Variants in SOD2 observed in about 807,000 individuals in gnomAD.
SOD2 encodes the protein superoxide dismutase 2, also known as superoxide dismutase [Mn], mitochondrial.
In SOD2, 11 loss-of-function variants were observed where a neutral mutation model predicts 27.0. That is an observed-to-expected ratio of 0.41 (90% CI 0.26 to 0.67). The LOEUF (loss-of-function observed/expected upper bound fraction) is 0.67. Ranked by LOEUF, SOD2 falls within the 30% of genes least tolerant of loss-of-function variation. The probability of loss-of-function intolerance (pLI) is 0.34; values close to 1 mark genes in which losing one functional copy is unlikely to be tolerated. For synonymous variants in SOD2, 105 were observed against 103.0 expected (o/e 1.02, Z -0.12); for missense variants, 250 against 274.5 (o/e 0.91, Z 0.63).
At chr6:159,734,164 G>A (rs981152170) in intron 1 of SOD2, among the ~76,000 whole-genome samples, 6 of 151,914 alleles carry the variant, frequency 3.9e-5, no homozygotes, top group Non-Finnish European at 8.8e-5. Context: ...AAGTAGTCTT[G>A]GTGTGTGTGT....
chr6:159,758,882 C>T lies in SOD2; in HGVS notation c.-336+2155G>A, dbSNP rs527515203. Among the ~76,000 whole-genome samples, 4 of 152,232 alleles carry T rather than the reference C, an allele frequency of 2.6e-5. No homozygotes were observed. The East Asian group carries it at 7.8e-4, about 30-fold the overall frequency. Reference sequence around the variant, plus strand: ...GAAACTTAACCAAGAATGATTGCATCTTCCAGCGGGGGAAGATGCTGAGAA... The same window carrying T: ...GAAACTTAACCAAGAATGATTGCATTTTCCAGCGGGGGAAGATGCTGAGAA... On this transcript the variant is annotated intron_variant, in intron 1 of 7. Coordinates refer to the SOD2 transcript ENST00000546087.
chr6:159,757,380 A>G (rs569602511), intron 1 of SOD2, among the ~76,000 whole-genome samples: 5 of 151,394 alleles, frequency 3.3e-5, no homozygotes, highest in African/African-American at 1.2e-4. Flanking sequence ...TAAATACTGC[A>G]CTGTCTCTTG....
At chr6:159,734,720 C>T (rs1477472511) in intron 1 of SOD2, among the ~76,000 whole-genome samples, 1 of 152,124 alleles carries the variant, frequency 6.6e-6, no homozygotes, top group East Asian at 1.9e-4. Context: ...ATGAATATGC[C>T]AAATGCAATT....
chr6:159,708,650 G>C (rs770110137), intron 1 of SOD2, among the ~76,000 whole-genome samples: 1 of 152,126 alleles, frequency 6.6e-6, no homozygotes, highest in Non-Finnish European at 1.5e-5. Flanking sequence ...ACATTCCATG[G>C]TCATGGATGG....
chr6:159,710,675 A>G (rs1777717620), intron 1 of SOD2, among the ~76,000 whole-genome samples: 2 of 151,548 alleles, frequency 1.3e-5, no homozygotes. Context: ...ACGTGGTCAT[A>G]TCCCCTCATA....
chr6:159,749,639 C>CT (rs1221724312), upstream of SOD2, among the ~76,000 whole-genome samples: 2 of 152,134 alleles, frequency 1.3e-5, no homozygotes, highest in East Asian at 3.8e-4. Context: ...TTTTATGACA[C>CT]TTTGTCCCAG....
chr6:159,693,024 G>T (rs1777306951), intron 1 of SOD2, 121 bp downstream of exon 1: 2 of 1,423,966 alleles, frequency 1.4e-6, no homozygotes, highest in Non-Finnish European at 1.9e-6. Context: ...CGGGAGAACC[G>T]CCTGCAGGTG....
upstream of SOD2, among the ~76,000 whole-genome samples, chr6:159,696,364 G>C (rs955351991): frequency 1.3e-5 from 2 of 152,008 alleles, no homozygotes; most frequent in African/African-American, 4.8e-5. Context: ...TTTGTTGCTG[G>C]GCTGGAGTGC....
At chr6:159,717,756 T>C (rs775677545) in intron 1 of SOD2, among the ~76,000 whole-genome samples, 22 of 152,254 alleles carry the variant, frequency 1.4e-4, no homozygotes, top group Non-Finnish European at 2.9e-4. Context: ...TATTCTACTC[T>C]CTACTTCCAT....
upstream of SOD2, among the ~76,000 whole-genome samples, chr6:159,693,651 C>T (rs966222073): frequency 5.3e-5 from 8 of 152,208 alleles, no homozygotes; most frequent in Non-Finnish European, 8.8e-5. Flanking sequence ...TTTGGTTGCG[C>T]TGCCGGGGGG....
At chr6:159,755,129 G>C in intron 1 of SOD2, 1 of 1,614,124 alleles carries the variant, frequency 6.2e-7, no homozygotes, top group Non-Finnish European at 8.5e-7. Flanking sequence ...CCAGCAGTTG[G>C]CTCAGTACCA....
intron 1 of SOD2, chr6:159,726,931 C>T: frequency 7.8e-7 from 1 of 1,288,668 alleles, no homozygotes; most frequent in East Asian, 5.6e-5. Flanking sequence ...GGTCCTCCGA[C>T]ACGCGGAAGC....
At chr6:159,682,732 A>G in intron 4 of SOD2, 94 bp from the exon 5 acceptor site, 1 of 1,240,616 alleles carries the variant, frequency 8.1e-7, no homozygotes, top group Non-Finnish European at 1.1e-6. Context: ...TACTCACACA[A>G]AATTACCCTT....
intron 1 of SOD2, among the ~76,000 whole-genome samples, chr6:159,742,643 A>G (rs563068619): frequency 6.6e-6 from 1 of 152,276 alleles, no homozygotes; most frequent in South Asian, 2.1e-4. Flanking sequence ...TACTGTTTGA[A>G]TCACATACTA....
chr6:159,673,259 T>C lies in SOD2; in HGVS notation c.*9234A>G, dbSNP rs1419793899. The C allele has an allele frequency of 7.9e-5, 12 of 152,226 alleles. No individual in the cohort carries two copies. Among genetic ancestry groups the C allele is most frequent in the Middle Eastern group, 3.4e-3 (1 of 294 alleles). The allele number at this position is 152,226 out of a possible 1,614,324, so 9.4% of individuals were successfully genotyped here. A position where few individuals can be genotyped will look rare whatever the true frequency, so the allele number is the denominator to read the frequency against. The stretch of plus-strand genomic sequence containing the variant: ...CTGCACCAAGCAGACCTAATAGACA[T>C]CTACAGAACTCTCCACCCCAAATCA... On this transcript the variant is annotated 3_prime_UTR_variant, in exon 5 of 5. Transcript: ENST00000538183.
At chr6:159,694,851 G>A (rs1445069977), upstream of SOD2, among the ~76,000 whole-genome samples, 1 of 151,386 alleles carries the variant, frequency 6.6e-6, no homozygotes, top group Non-Finnish European at 1.5e-5. Flanking sequence ...TGATCTGCCC[G>A]CCTCGGCCTT....
chr6:159,726,970 C>A (rs1018148333), intron 1 of SOD2: 3 of 1,282,256 alleles, frequency 2.3e-6, no homozygotes, highest in Admixed American at 2.3e-5. Context: ...GAACACAGAG[C>A]GGCCAATCAC....
At chr6:159,748,654 A>G (rs1779707746), upstream of SOD2, 10 of 1,267,102 alleles carry the variant, frequency 7.9e-6, no homozygotes, top group African/African-American at 1.5e-5. The surrounding 1 kb of genome is among the most constrained non-coding windows in gnomAD (Gnocchi z 5.6). Context: ...CTTCTAGAAC[A>G]TGTAGACACT....
At chr6:159,739,942 A>C (rs1381322536) in intron 1 of SOD2, among the ~76,000 whole-genome samples, 1 of 145,554 alleles carries the variant, frequency 6.9e-6, no homozygotes, top group Non-Finnish European at 1.5e-5. Context: ...ATTCTAAAAC[A>C]CTTCTGTCTT....
Sources: allele counts gnomAD v4.1 joint callset (sites outside exome capture counted in the v4.1 genomes callset), GRCh38; gene constraint gnomAD v4.1.1; non-coding constraint Gnocchi (gnomAD v3.1); transcripts MANE v1.5; gene names NCBI Gene and HGNC (gene_info 2026-07-23, HGNC 2026-07-21).